FAM117B: variants seen among roughly 807,000 people sequenced by gnomAD.
The protein encoded by FAM117B is protein FAM117B.
A neutral mutation model predicts 52.8 loss-of-function variants in FAM117B; 22 were observed. That is an observed-to-expected ratio of 0.42 (90% CI 0.30 to 0.59). FAM117B has a LOEUF of 0.59. FAM117B is among the 20% of genes least tolerant of loss of function. FAM117B has a pLI of 0.22. For synonymous variants in FAM117B, 309 were observed against 324.1 expected (o/e 0.95, Z 0.50); for missense variants, 678 against 802.6 (o/e 0.84, Z 1.88).
chr2:202,635,172 G>C lies in FAM117B; in HGVS notation c.-16G>C, dbSNP rs1003574805. Reference sequence around the variant, plus strand: ...AAACCCCCCGTCTCGCCCAGTCACCGGGGAGGGGGGGGACCATGTCCCAGC... The same window carrying C: ...AAACCCCCCGTCTCGCCCAGTCACCCGGGAGGGGGGGGACCATGTCCCAGC... On this transcript the variant is annotated 5_prime_UTR_variant, in exon 1 of 8. Coordinates refer to ENST00000392238, the MANE Select transcript of FAM117B (RefSeq NM_173511.4). The C allele has an allele frequency of 2.4e-6, 3 of 1,267,436 alleles. No homozygotes were observed. The highest frequency in any genetic ancestry group is 3.0e-6 in the Non-Finnish European group (3 of 1,005,260). The allele number at this position is 1,267,436 out of a possible 1,614,324, so 78.5% of individuals were successfully genotyped here. A position where few individuals can be genotyped will look rare whatever the true frequency, so the allele number is the denominator to read the frequency against.
In FAM117B at chr2:202,686,636, G is replaced by A. The variant is rs115473080; in HGVS notation, c.602-9245G>A. On this transcript the variant is annotated intron_variant, in intron 1 of 7. Coordinates refer to ENST00000392238, the MANE Select transcript of FAM117B (RefSeq NM_173511.4). ...CATTCTAGCCAACACGGTGAAACCCGCCTCTACTAAAAATACAAAAATTAG... is the reference window on the plus strand; with the variant it reads ...CATTCTAGCCAACACGGTGAAACCCACCTCTACTAAAAATACAAAAATTAG... 7.1e-3 allele frequency among the ~76,000 whole-genome samples: 1,077 copies of A among 152,034 alleles called. 8 individuals are homozygous for A. Among genetic ancestry groups the A allele is most frequent in the Non-Finnish European group, 0.012 (844 of 67,968 alleles).
chr2:202,763,533 T>C (rs1691930812), intron 7 of FAM117B, among the ~76,000 whole-genome samples: 1 of 152,168 alleles, frequency 6.6e-6, no homozygotes, highest in East Asian at 1.9e-4. Context: ...AAAGGAAAAT[T>C]TAAGGCATTA....
At chr2:202,652,967 TA>T (rs905652815) in intron 1 of FAM117B, among the ~76,000 whole-genome samples, 1 of 151,654 alleles carries the variant, frequency 6.6e-6, no homozygotes, top group Non-Finnish European at 1.5e-5. Flanking sequence ...TGTTAAAAAA[TA>T]AAAAAAACAA....
chr2:202,653,722 C>T (rs1374840360), intron 1 of FAM117B, among the ~76,000 whole-genome samples: 3 of 151,938 alleles, frequency 2.0e-5, no homozygotes, highest in Admixed American at 6.6e-5. Context: ...TTTGTTAACC[C>T]GTTTTTCTTC....
chr2:202,650,267 G>A lies in FAM117B; in HGVS notation c.601+14479G>A, dbSNP rs574489704. ...AACTGATTAGATTTGGTAGATGAAA[G>A]AGTGTAATGATGGCTGGGATTTGGA... On this transcript the variant is annotated intron_variant, in intron 1 of 7. Transcript: ENST00000392238. 2.6e-5 allele frequency among the ~76,000 whole-genome samples: 4 copies of A among 152,306 alleles called. No individual in the cohort carries two copies. The East Asian group carries it at 7.7e-4, about 29-fold the overall frequency.
chr2:202,651,206 C>G (rs1689950906), intron 1 of FAM117B, among the ~76,000 whole-genome samples: 1 of 151,806 alleles, frequency 6.6e-6, no homozygotes, highest in Non-Finnish European at 1.5e-5. Flanking sequence ...GGATTACAGG[C>G]ACCTGTCACC....
chr2:202,695,410 C>T (rs2105776458), intron 1 of FAM117B, among the ~76,000 whole-genome samples: 1 of 152,228 alleles, frequency 6.6e-6, no homozygotes, highest in East Asian at 1.9e-4. Flanking sequence ...CATCCCCCAC[C>T]AGGAACGTGA....
At chr2:202,745,980 G>A (rs1691625648) in intron 4 of FAM117B, among the ~76,000 whole-genome samples, 2 of 152,118 alleles carry the variant, frequency 1.3e-5, no homozygotes, top group Non-Finnish European at 2.9e-5. Flanking sequence ...GAGAGAAATA[G>A]ACCCCAATGC....
intron 4 of FAM117B, among the ~76,000 whole-genome samples, chr2:202,732,691 C>T (rs4675288): frequency 0.28 from 42,055 of 151,824 alleles, 6,307 homozygotes; most frequent in East Asian, 0.54. Flanking sequence ...CATGGCGGCA[C>T]GTGCCTGTAG....
chr2:202,657,353 G>T (rs1690069813), intron 1 of FAM117B, among the ~76,000 whole-genome samples: 1 of 152,138 alleles, frequency 6.6e-6, no homozygotes, highest in Non-Finnish European at 1.5e-5. Flanking sequence ...CTCCCAAAGT[G>T]CTGGGATTAC....
chr2:202,707,032 GT>G (rs750769360), intron 2 of FAM117B, among the ~76,000 whole-genome samples: 50 of 152,066 alleles, frequency 3.3e-4, no homozygotes, highest in Admixed American at 1.7e-3. Context: ...ACCATACATT[GT>G]TTTTTGTTGT....
rs529984023 is a variant in FAM117B, at chr2:202,768,891, A to T, written c.*3127A>T. ...CACTTTGTCAATCTTAGGTTTTTTT[A>T]AATCTTTAAACAATTTCTTCTTTGT... On this transcript the variant is annotated 3_prime_UTR_variant, in exon 8 of 8. Transcript: ENST00000392238. 2 of 152,226 alleles carry T rather than the reference A, an allele frequency of 1.3e-5. No homozygotes were observed. The highest frequency in any genetic ancestry group is 2.4e-5 in the African/African-American group (1 of 41,554). The allele number at this position is 152,226 out of a possible 1,614,324, so 9.4% of individuals were successfully genotyped here. A position where few individuals can be genotyped will look rare whatever the true frequency, so the allele number is the denominator to read the frequency against.
chr2:202,760,535 A>AC (rs1691870375), intron 7 of FAM117B, among the ~76,000 whole-genome samples: 1 of 152,134 alleles, frequency 6.6e-6, no homozygotes, highest in Non-Finnish European at 1.5e-5. Context: ...CCCATGGGTT[A>AC]AGGCAGTGTC....
Position 202,635,149 on chromosome 2 carries a change from A to AC in FAM117B, c.-33dup, listed in dbSNP as rs1229161577. On this transcript the variant is annotated 5_prime_UTR_variant, in exon 1 of 8. Coordinates refer to ENST00000392238, the MANE Select transcript of FAM117B (RefSeq NM_173511.4). ...CCCCCTGCAGCCCAACAACAACAAA[A>AC]CCCCCCGTCTCGCCCAGTCACCGGG... The AC allele has an allele frequency of 1.6e-6, 2 of 1,239,732 alleles. No individual in the cohort carries two copies. The highest frequency in any genetic ancestry group is 1.0e-6 in the Non-Finnish European group (1 of 993,316). 76.8% of individuals were successfully genotyped at this position (1,239,732 alleles called of 1,614,324 possible).
intron 4 of FAM117B, among the ~76,000 whole-genome samples, chr2:202,748,630 TAGAAG>T (rs1053776758): frequency 3.7e-4 from 56 of 152,216 alleles, no homozygotes; most frequent in South Asian, 2.1e-3. Flanking sequence ...AGACATTTCT[TAGAAG>T]AGACAGATTA....
At chr2:202,686,582 C>T (rs950090279) in intron 1 of FAM117B, among the ~76,000 whole-genome samples, 10 of 152,130 alleles carry the variant, frequency 6.6e-5, no homozygotes, top group African/African-American at 1.9e-4. Flanking sequence ...GAAGCCGAGG[C>T]GGATCACTTG....
chr2:202,635,700 A>C lies in FAM117B; in HGVS notation c.513A>C (p.Pro171=). ...WTGEVSAAPP[P]ARVRHRRRSP... ...GCGAGGTGAGCGCGGCCCCACCCCC[A>C]GCCCGCGTCCGGCATCGGAGGAGGT... The change falls in exon 1 of 8, where the codon CCA becomes CCC. Residue 171 remains proline, a synonymous_variant. Coordinates refer to ENST00000392238, the MANE Select transcript of FAM117B (RefSeq NM_173511.4). The C allele has an allele frequency of 1.4e-6, 2 of 1,424,610 alleles. No individual in the cohort carries two copies. Among genetic ancestry groups the C allele is most frequent in the Non-Finnish European group, 1.8e-6 (2 of 1,089,864 alleles). The allele number at this position is 1,424,610 out of a possible 1,614,324, so 88.2% of individuals were successfully genotyped here. A position where few individuals can be genotyped will look rare whatever the true frequency, so the allele number is the denominator to read the frequency against.
At chr2:202,635,897 T>TG in intron 1 of FAM117B, 109 bp downstream of exon 1, 1 of 949,692 alleles carries the variant, frequency 1.1e-6, no homozygotes, top group Non-Finnish European at 1.4e-6. Context: ...CCCGGGTGGC[T>TG]GGGGGCGGGG....
chr2:202,675,984 CAAAAAA>C (rs778502048), intron 1 of FAM117B, among the ~76,000 whole-genome samples: 2 of 56,756 alleles, frequency 3.5e-5, no homozygotes, highest in Admixed American at 1.9e-4. Context: ...GACACAGTCT[CAAAAAA>C]AAAAAAAAAA....
Sources: allele counts gnomAD v4.1 joint callset (sites outside exome capture counted in the v4.1 genomes callset), GRCh38; gene constraint gnomAD v4.1.1; transcripts MANE v1.5; gene names NCBI Gene and HGNC (gene_info 2026-07-23, HGNC 2026-07-21).